Variants in ABCB1 observed in about 807,000 individuals in gnomAD.
ABCB1 encodes ATP binding cassette subfamily B member 1.
ABCB1 carries 69 observed loss-of-function variants against 142.0 expected under a neutral mutation model. The observed-to-expected ratio is 0.49, with a 90% CI of 0.40 to 0.59. The LOEUF (loss-of-function observed/expected upper bound fraction) is 0.59. ABCB1 is among the 20% of genes least tolerant of loss of function. The pLI, the probability that ABCB1 is intolerant of heterozygous loss-of-function variation, is 0.00. For missense variants in ABCB1, 1,326 were observed against 1,554.7 expected (o/e 0.85, Z 2.47); for synonymous variants, 532 against 539.2 (o/e 0.99, Z 0.18).
intron 1 of ABCB1, among the ~76,000 whole-genome samples, chr7:87,705,001 G>C (rs1392113981): frequency 6.6e-6 from 1 of 152,164 alleles, no homozygotes; most frequent in Non-Finnish European, 1.5e-5. Context: ...CACTAAATTT[G>C]CCTGGTGAAC....
chr7:87,619,071 C>T (rs1328432411), intron 1 of ABCB1, among the ~76,000 whole-genome samples: 1 of 152,186 alleles, frequency 6.6e-6, no homozygotes, highest in Non-Finnish European at 1.5e-5. Flanking sequence ...GACTTCTGAC[C>T]TACAGAACTT....
At position 87,595,788 on chromosome 7, in the gene ABCB1, G is replaced by C. The variant is rs1257107888; in HGVS notation, c.95C>G (p.Pro32Arg). ...KSEKDKKEKK[P>R]TVSVFSMFRY... ...CACCATTGAAAATACACTGACAGTTGGTTTCTTTTCCTTCTTATCTTTTTC... is the reference window on the plus strand; with the variant it reads ...CACCATTGAAAATACACTGACAGTTCGTTTCTTTTCCTTCTTATCTTTTTC... The change falls in exon 3 of 28, where the codon CCA becomes CGA. Residue 32 changes from proline to arginine, a missense_variant. Pro to Arg is a moderately radical substitution (Grantham distance 103). Coordinates refer to ENST00000622132, the MANE Select transcript of ABCB1 (RefSeq NM_001348946.2). 1.9e-6 allele frequency: 3 copies of C among 1,610,488 alleles called. No individual in the cohort carries two copies. Among genetic ancestry groups the C allele is most frequent in the Non-Finnish European group, 1.7e-6 (2 of 1,177,362 alleles).
At chr7:87,660,321 T>A (rs1337789279) in intron 1 of ABCB1, among the ~76,000 whole-genome samples, 1 of 152,090 alleles carries the variant, frequency 6.6e-6, no homozygotes, top group Non-Finnish European at 1.5e-5. Context: ...TTCTTTGATG[T>A]TATTCTATTT....
chr7:87,644,239 A>G (rs909491846), intron 1 of ABCB1, among the ~76,000 whole-genome samples: 3 of 152,260 alleles, frequency 2.0e-5, no homozygotes, highest in Middle Eastern at 3.4e-3. Flanking sequence ...CAGTGAACAG[A>G]TATCTCTGGG....
intron 1 of ABCB1, among the ~76,000 whole-genome samples, chr7:87,673,751 A>G (rs1255581986): frequency 1.3e-5 from 2 of 152,170 alleles, no homozygotes; most frequent in Admixed American, 1.3e-4. Context: ...ATTGCTGGGA[A>G]ACTAGGTAGT....
chr7:87,637,101 C>G (rs1821854165), intron 1 of ABCB1, among the ~76,000 whole-genome samples: 1 of 152,176 alleles, frequency 6.6e-6, no homozygotes, highest in Admixed American at 6.5e-5. Context: ...AATTACCTCC[C>G]ATCTGCTCCC....
intron 20 of ABCB1, among the ~76,000 whole-genome samples, chr7:87,533,222 A>T (rs760243035): frequency 8.5e-5 from 13 of 152,052 alleles, no homozygotes; most frequent in Admixed American, 3.3e-4. Flanking sequence ...TGGCACAGGG[A>T]TGATATAAGT....
At chr7:87,694,972 A>G (rs1828375219) in intron 1 of ABCB1, among the ~76,000 whole-genome samples, 1 of 152,186 alleles carries the variant, frequency 6.6e-6, no homozygotes, top group Admixed American at 6.5e-5. Context: ...AGTGAACTAG[A>G]CATTACATTG....
chr7:87,592,513 T>A (rs1819037549), intron 3 of ABCB1, among the ~76,000 whole-genome samples: 1 of 152,126 alleles, frequency 6.6e-6, no homozygotes, highest in Non-Finnish European at 1.5e-5. Context: ...GATGAGATGG[T>A]CATAAGATCA....
intron 4 of ABCB1, among the ~76,000 whole-genome samples, chr7:87,575,534 T>C (rs1818238446): frequency 6.6e-6 from 1 of 152,202 alleles, no homozygotes; most frequent in Admixed American, 6.5e-5. Flanking sequence ...TTCCGTTTTT[T>C]TTTCATTTAG....
chr7:87,581,998 A>G (rs1177880007), intron 4 of ABCB1, among the ~76,000 whole-genome samples: 2 of 152,110 alleles, frequency 1.3e-5, no homozygotes, highest in African/African-American at 4.8e-5. Flanking sequence ...AAGCATCAAA[A>G]CCTTTGATGC....
chr7:87,672,720 C>G (rs1825954725), intron 1 of ABCB1, among the ~76,000 whole-genome samples: 1 of 152,176 alleles, frequency 6.6e-6, no homozygotes, highest in African/African-American at 2.4e-5. Flanking sequence ...AGGAGATCTC[C>G]TGACCCAAGG....
At chr7:87,524,585 G>C (rs1347642673) in intron 21 of ABCB1, among the ~76,000 whole-genome samples, 1 of 152,032 alleles carries the variant, frequency 6.6e-6, no homozygotes, top group Non-Finnish European at 1.5e-5. Context: ...GGCCTGTTGT[G>C]GGGTAGAGGG....
chr7:87,549,211 G>T, intron 14 of ABCB1, 137 bp downstream of exon 14: 1 of 957,356 alleles, frequency 1.0e-6, no homozygotes, highest in Non-Finnish European at 1.6e-6. Context: ...GAGGCCCAAT[G>T]CTTTTATTTT....
intron 1 of ABCB1, among the ~76,000 whole-genome samples, chr7:87,702,006 G>C (rs577945175): frequency 2.0e-5 from 3 of 151,584 alleles, no homozygotes; most frequent in African/African-American, 7.3e-5. Context: ...AGCCAGGCGT[G>C]GTGGTGGGCA....
At chr7:87,563,584 T>C (rs1326237325) in intron 7 of ABCB1, among the ~76,000 whole-genome samples, 4 of 152,164 alleles carry the variant, frequency 2.6e-5, no homozygotes, top group Non-Finnish European at 5.9e-5. Flanking sequence ...AAAAAGTCTT[T>C]CAATAAAATG....
chr7:87,642,021 T>A (rs1822510102), intron 1 of ABCB1, among the ~76,000 whole-genome samples: 1 of 152,000 alleles, frequency 6.6e-6, no homozygotes, highest in African/African-American at 2.4e-5. Flanking sequence ...ATATTTAATT[T>A]ATACGTGGAC....
At chr7:87,620,936 C>T (rs1820199939) in intron 1 of ABCB1, among the ~76,000 whole-genome samples, 1 of 151,962 alleles carries the variant, frequency 6.6e-6, no homozygotes, top group Non-Finnish European at 1.5e-5. Context: ...GAACCCTACT[C>T]ATACAAAAAA....
intron 1 of ABCB1, among the ~76,000 whole-genome samples, chr7:87,696,156 A>G (rs556971410): frequency 1.3e-5 from 2 of 152,276 alleles, no homozygotes; most frequent in South Asian, 4.1e-4. Flanking sequence ...ACCTATATTC[A>G]TTGAGAACTT....
Sources: allele counts gnomAD v4.1 joint callset (sites outside exome capture counted in the v4.1 genomes callset), GRCh38; gene constraint gnomAD v4.1.1; transcripts MANE v1.5; gene names NCBI Gene and HGNC (gene_info 2026-07-23, HGNC 2026-07-21).